MGST1: variants seen among roughly 807,000 people sequenced by gnomAD.
MGST1 encodes glutathione S-transferase 12.
Under a neutral mutation model 8.9 loss-of-function variants are expected in MGST1, and 5 were observed. The ratio of observed to expected loss-of-function variants is 0.56; its 90% CI spans 0.29 to 1.19. The LOEUF (loss-of-function observed/expected upper bound fraction) is 1.19, where lower values mean the gene tolerates loss of function less well. MGST1 is among the 50% of genes most tolerant of loss of function. The probability of loss-of-function intolerance (pLI) is 0.08; values close to 1 mark genes in which losing one functional copy is unlikely to be tolerated. For synonymous variants in MGST1, 54 were observed against 67.8 expected (o/e 0.80, Z 1.00); for missense variants, 182 against 187.4 (o/e 0.97, Z 0.17).
rs990067835 is a variant in MGST1 at position 16,518,649 on chromosome 12, T to C, written n.483-70879T>C. ...TCAATCAGTGTCCTTTAAATGAATA[T>C]AACAGATTTTTACTCTGGCCGTTAT... On this transcript the variant is annotated intron_variant and non_coding_transcript_variant, in intron 4 of 4. Transcript: ENST00000538857. Among the ~76,000 whole-genome samples the C allele has an allele frequency of 7.2e-5, 11 of 152,314 alleles. 1 individual carries two copies. In the East Asian group the frequency reaches 1.7e-3, roughly 24 times the overall value.
At chr12:16,507,184 A>T (rs1941543397) in intron 4 of MGST1, among the ~76,000 whole-genome samples, 1 of 152,166 alleles carries the variant, frequency 6.6e-6, no homozygotes, top group Non-Finnish European at 1.5e-5. Context: ...TACATACAGA[A>T]AGCAGAGGGT....
chr12:16,525,994 TG>T, intron 4 of MGST1, among the ~76,000 whole-genome samples: 1 of 149,156 alleles, frequency 6.7e-6, no homozygotes, highest in Non-Finnish European at 1.5e-5. Context: ...TGGGGTTGTT[TG>T]TTTTTTTCTT....
At chr12:16,573,162 C>T (rs1032532041) in intron 4 of MGST1, among the ~76,000 whole-genome samples, 3 of 151,734 alleles carry the variant, frequency 2.0e-5, no homozygotes, top group Admixed American at 2.0e-4. Context: ...AAATATATTC[C>T]AATGTCTATT....
chr12:16,423,239 T>C (rs1024079970), intron 1 of MGST1, among the ~76,000 whole-genome samples: 1 of 152,178 alleles, frequency 6.6e-6, no homozygotes, highest in African/African-American at 2.4e-5. Context: ...ATACATCTGA[T>C]CCTCATGTTG....
intron 1 of MGST1, 117 bp from the exon 2 acceptor site, chr12:16,354,113 TC>T: frequency 1.3e-6 from 1 of 761,140 alleles, no homozygotes; most frequent in Non-Finnish European, 2.0e-6. Flanking sequence ...CTGCAAATAG[TC>T]CAAGATATTT....
At position 16,361,320 on chromosome 12, in the gene MGST1, A is replaced by G. The variant is rs780358995; in HGVS notation, c.222-2475A>G. On this transcript the variant is annotated intron_variant, in intron 3 of 3. Transcript: ENST00000396210. This position sits in a 1 kb window ranked among gnomAD's most constrained non-coding sequence, Gnocchi z 4.2. The stretch of plus-strand genomic sequence containing the variant: ...CCAGGTCAGGTGGATGCTGGGATCC[A>G]AGTAATTCTGATCTGAGGGAAGGAG... Among the ~76,000 whole-genome samples, 33 of 152,304 alleles carry G rather than the reference A, an allele frequency of 2.2e-4. No homozygotes were observed. The highest frequency in any genetic ancestry group is 3.7e-4 in the Non-Finnish European group (25 of 68,014).
chr12:16,512,483 G>A (rs1001795649), intron 4 of MGST1, among the ~76,000 whole-genome samples: 4 of 152,110 alleles, frequency 2.6e-5, no homozygotes, highest in African/African-American at 7.2e-5. Flanking sequence ...TTTACTCACT[G>A]TGATACCTAT....
chr12:16,404,215 CA>C (rs2137065842), intron 1 of MGST1, among the ~76,000 whole-genome samples: 1 of 152,248 alleles, frequency 6.6e-6, no homozygotes, highest in South Asian at 2.1e-4. Context: ...GCAATTATTT[CA>C]GCTTTATAGT....
chr12:16,592,270 C>T (rs546922081), downstream of MGST1, among the ~76,000 whole-genome samples: 21 of 151,978 alleles, frequency 1.4e-4, no homozygotes, highest in Admixed American at 3.3e-4. Context: ...AAACCCCAAT[C>T]CTGCCTCTCA....
rs193265684 is a variant in MGST1, at chr12:16,502,210, T to C, written n.483-87318T>C. ...TTCTGTTTGATTATGAAGAGATTTC[T>C]GCCAGGACAAAAAATAAACTGATCA... is the stretch of plus-strand genomic sequence containing the variant. On this transcript the variant is annotated intron_variant and non_coding_transcript_variant, in intron 4 of 4. Transcript: ENST00000538857. 6.0e-3 allele frequency among the ~76,000 whole-genome samples: 910 copies of C among 152,300 alleles called. 1 individual carries two copies. Among genetic ancestry groups the C allele is most frequent in the Non-Finnish European group, 8.6e-3 (583 of 68,008 alleles).
intron 4 of MGST1, among the ~76,000 whole-genome samples, chr12:16,471,386 C>T (rs571338091): frequency 7.0e-4 from 106 of 152,270 alleles, no homozygotes; most frequent in African/African-American, 2.5e-3. Context: ...TTGAATCACC[C>T]CCACCTGTTT....
At chr12:16,436,476 T>A (rs1285292147) in intron 1 of MGST1, among the ~76,000 whole-genome samples, 1 of 152,028 alleles carries the variant, frequency 6.6e-6, no homozygotes, top group East Asian at 1.9e-4. Context: ...GTCTTTCTCT[T>A]TCCCTGTTGC....
At chr12:16,545,120 A>G (rs1941815654) in intron 4 of MGST1, among the ~76,000 whole-genome samples, 1 of 152,098 alleles carries the variant, frequency 6.6e-6, no homozygotes, top group South Asian at 2.1e-4. Context: ...AAGTACTTGA[A>G]ACTTATTACA....
chr12:16,426,796 A>G (rs1288757038), intron 1 of MGST1, among the ~76,000 whole-genome samples: 2 of 152,006 alleles, frequency 1.3e-5, no homozygotes, highest in African/African-American at 4.8e-5. Flanking sequence ...CTAAAAATAC[A>G]AAAACAACAA....
At chr12:16,419,895 A>G (rs1940819422) in intron 1 of MGST1, among the ~76,000 whole-genome samples, 1 of 152,134 alleles carries the variant, frequency 6.6e-6, no homozygotes, top group South Asian at 2.1e-4. Context: ...ATTAGCTCCA[A>G]CAGTCTAATC....
chr12:16,358,572 T>C lies in MGST1; in HGVS notation c.221+873T>C, dbSNP rs572145114. On this transcript the variant is annotated intron_variant, in intron 3 of 3. Coordinates refer to ENST00000396210, the MANE Select transcript of MGST1 (RefSeq NM_020300.5). ...ACCTTCTTCTCCTGGGTTCAAACCATTCTCCTGCCTCAGCCTCCTGAGTAG... is the reference window on the plus strand; with the variant it reads ...ACCTTCTTCTCCTGGGTTCAAACCACTCTCCTGCCTCAGCCTCCTGAGTAG... Among the ~76,000 whole-genome samples, 16 of 151,996 alleles carry C rather than the reference T, an allele frequency of 1.1e-4. No homozygotes were observed. The South Asian group carries it at 3.3e-3, about 32-fold the overall frequency.
chr12:16,567,957 G>A (rs1942674740), intron 4 of MGST1, among the ~76,000 whole-genome samples: 1 of 152,140 alleles, frequency 6.6e-6, no homozygotes. Flanking sequence ...ACAACATGGT[G>A]GGGGTAATAA....
At chr12:16,454,204 T>C (rs770963510) in intron 4 of MGST1, among the ~76,000 whole-genome samples, 16 of 152,026 alleles carry the variant, frequency 1.1e-4, no homozygotes, top group Middle Eastern at 3.4e-3. Flanking sequence ...AGGTTTCAAC[T>C]TACTGATAAT....
chr12:16,474,029 T>G (rs1941305106), intron 4 of MGST1, among the ~76,000 whole-genome samples: 1 of 152,250 alleles, frequency 6.6e-6, no homozygotes, highest in Non-Finnish European at 1.5e-5. Context: ...AACCAGGGTA[T>G]TCTATGCTAT....
Sources: gnomAD v4.1 joint callset for allele counts (sites outside exome capture counted in the v4.1 genomes callset) on GRCh38, gnomAD v4.1.1 for gene constraint, Gnocchi (gnomAD v3.1) non-coding constraint, MANE v1.5 for transcripts, NCBI Gene and HGNC (gene_info 2026-07-23, HGNC 2026-07-21) for gene names.